DLG2: variants seen among roughly 807,000 people sequenced by gnomAD.
DLG2 encodes the protein disks large homolog 2.
Under a neutral mutation model 132.5 loss-of-function variants are expected in DLG2, and 45 were observed. That is an observed-to-expected ratio of 0.34 (90% CI 0.27 to 0.44). The LOEUF (loss-of-function observed/expected upper bound fraction) is 0.44. DLG2 is among the 20% of genes least tolerant of loss of function. The pLI, the probability that DLG2 is intolerant of heterozygous loss-of-function variation, is 1.00. For missense variants in DLG2, 1,045 were observed against 1,196.9 expected, an observed-to-expected ratio of 0.87 and a Z score of 1.87; for synonymous variants, 424 against 419.6, an observed-to-expected ratio of 1.01 and a Z score of -0.13.
chr11:85,462,507 T>A (rs1277019503), intron 3 of DLG2, among the ~76,000 whole-genome samples: 1 of 152,160 alleles, frequency 6.6e-6, no homozygotes, highest in Non-Finnish European at 1.5e-5. Context: ...TCTAGGGACA[T>A]GGATGGAGCT....
chr11:84,803,308 C>A (rs1338329473), intron 6 of DLG2, among the ~76,000 whole-genome samples: 1 of 152,166 alleles, frequency 6.6e-6, no homozygotes, highest in African/African-American at 2.4e-5. Flanking sequence ...ACCATCCAAT[C>A]AATTTATCAC....
At chr11:85,202,230 C>G (rs1275726422) in intron 4 of DLG2, among the ~76,000 whole-genome samples, 1 of 147,902 alleles carries the variant, frequency 6.8e-6, no homozygotes, top group African/African-American at 2.5e-5. Context: ...CAAGCATATT[C>G]AACCCAAATA....
chr11:84,013,865 T>C (rs1047003301), intron 11 of DLG2, among the ~76,000 whole-genome samples: 2 of 25,730 alleles, frequency 7.8e-5, no homozygotes, highest in Admixed American at 9.6e-4. Flanking sequence ...GGACTGCGTC[T>C]CAAAAAAAAA....
intron 6 of DLG2, among the ~76,000 whole-genome samples, chr11:84,586,810 A>G (rs1447744811): frequency 6.6e-6 from 1 of 152,176 alleles, no homozygotes. Context: ...ATACATTCAT[A>G]TCTTAATAAA....
intron 7 of DLG2, among the ~76,000 whole-genome samples, chr11:84,389,114 G>T (rs1164325577): frequency 6.6e-6 from 1 of 152,152 alleles, no homozygotes; most frequent in African/African-American, 2.4e-5. Flanking sequence ...AGCTAATGTT[G>T]CTAGGAGGAT....
At chr11:84,974,622 G>C (rs979993991) in intron 6 of DLG2, among the ~76,000 whole-genome samples, 1 of 152,154 alleles carries the variant, frequency 6.6e-6, no homozygotes, top group African/African-American at 2.4e-5. Context: ...TATTGTTAAG[G>C]AATCCAGAAT....
chr11:83,882,599 AT>A (rs1023108354), intron 15 of DLG2, among the ~76,000 whole-genome samples: 1 of 152,248 alleles, frequency 6.6e-6, no homozygotes, highest in South Asian at 2.1e-4. Flanking sequence ...GAGAAATACC[AT>A]TTTTTTCTTT....
At chr11:84,614,460 C>T (rs538307057) in intron 6 of DLG2, among the ~76,000 whole-genome samples, 13 of 152,258 alleles carry the variant, frequency 8.5e-5, no homozygotes, top group Non-Finnish European at 1.9e-4. Context: ...CATGACTTGC[C>T]TATAGGCAAA....
rs142032445 is a variant in DLG2 at position 84,305,160 on chromosome 11, A to T, written c.520-53869T>A. 5.1e-3 allele frequency among the ~76,000 whole-genome samples: 781 copies of T among 152,348 alleles called. 13 individuals carry two copies. Among genetic ancestry groups the T allele is most frequent in the African/African-American group, 0.017 (725 of 41,586 alleles). On this transcript the variant is annotated intron_variant, in intron 7 of 27. Transcript: ENST00000376104. ...CCTGTTCTCCACAGCCATAATGCAG[A>T]TAAGTCTTGGCACAAAAACATAATT...
At chr11:83,641,296 T>A (rs1045698501) in intron 18 of DLG2, among the ~76,000 whole-genome samples, 1 of 152,192 alleles carries the variant, frequency 6.6e-6, no homozygotes, top group Admixed American at 6.5e-5. Context: ...ACCGGACTCT[T>A]AACCAAATAG....
chr11:84,501,918 T>C (rs2099207081), intron 7 of DLG2, among the ~76,000 whole-genome samples: 1 of 152,154 alleles, frequency 6.6e-6, no homozygotes, highest in Non-Finnish European at 1.5e-5. Context: ...AGAAGACTTC[T>C]AGTTTCACAT....
chr11:84,568,065 GTTT>G (rs2099464418), intron 6 of DLG2, among the ~76,000 whole-genome samples: 10 of 152,144 alleles, frequency 6.6e-5, no homozygotes, highest in Non-Finnish European at 1.3e-4. Context: ...GGCCACTTTG[GTTT>G]TACCTCACAG....
chr11:84,189,894 G>A (rs1452500847), intron 8 of DLG2, among the ~76,000 whole-genome samples: 3 of 151,960 alleles, frequency 2.0e-5, no homozygotes, highest in Non-Finnish European at 1.5e-5. Flanking sequence ...CCTAGGTGAT[G>A]GGATGATCTG....
At chr11:84,574,925 T>C (rs2099495607) in intron 6 of DLG2, among the ~76,000 whole-genome samples, 1 of 152,120 alleles carries the variant, frequency 6.6e-6, no homozygotes, top group African/African-American at 2.4e-5. Context: ...ACTGGGTAGA[T>C]GCAAGTTTAT....
chr11:83,850,675 G>C (rs771219801), intron 16 of DLG2, among the ~76,000 whole-genome samples: 6 of 152,196 alleles, frequency 3.9e-5, no homozygotes, highest in Non-Finnish European at 8.8e-5. Context: ...TTCTTAGACA[G>C]GGCAAACAGA....
intron 3 of DLG2, among the ~76,000 whole-genome samples, chr11:85,472,062 G>A (rs1360281954): frequency 6.6e-6 from 1 of 152,128 alleles, no homozygotes; most frequent in African/African-American, 2.4e-5. Flanking sequence ...TCAAACCAAA[G>A]ACAAATTAAA....
intron 17 of DLG2, among the ~76,000 whole-genome samples, chr11:83,801,430 C>T (rs2044350322): frequency 6.6e-6 from 1 of 152,170 alleles, no homozygotes; most frequent in Admixed American, 6.6e-5. Context: ...ATTCAAACTC[C>T]TTTCCTCGGG....
intron 6 of DLG2, among the ~76,000 whole-genome samples, chr11:85,107,159 T>C (rs890111054): frequency 3.3e-5 from 5 of 151,996 alleles, no homozygotes; most frequent in Non-Finnish European, 5.9e-5. Context: ...TAGAAACCTA[T>C]AGATATAGCA....
At chr11:83,612,626 AT>A (rs1164844611) in intron 19 of DLG2, among the ~76,000 whole-genome samples, 3 of 152,150 alleles carry the variant, frequency 2.0e-5, no homozygotes, top group African/African-American at 7.2e-5. Flanking sequence ...TAATCTTGGA[AT>A]TTTCTACAAC....
Sources: gnomAD v4.1 joint callset for allele counts (sites outside exome capture counted in the v4.1 genomes callset) on GRCh38, gnomAD v4.1.1 for gene constraint, MANE v1.5 for transcripts, NCBI Gene and HGNC (gene_info 2026-07-23, HGNC 2026-07-21) for gene names.